EPYC: variants seen among roughly 807,000 people sequenced by gnomAD.
The protein encoded by EPYC is epiphycan, also known as dermatan sulfate proteoglycan 3.
In EPYC, 28 loss-of-function variants were observed where a neutral mutation model predicts 30.1. The observed-to-expected ratio is 0.93, with a 90% CI of 0.69 to 1.28. The LOEUF is 1.28. Among genes scored for constraint, EPYC ranks in the 50% most tolerant of loss-of-function variants. The pLI, the probability that EPYC is intolerant of heterozygous loss-of-function variation, is 0.00. For synonymous variants in EPYC, 144 were observed against 141.4 expected, an observed-to-expected ratio of 1.02 and a Z score of -0.13; for missense variants, 382 against 383.5, an observed-to-expected ratio of 1.00 and a Z score of 0.03.
chr12:90,982,131 C>T (rs1465757690), intron 2 of EPYC, among the ~76,000 whole-genome samples: 1 of 152,208 alleles, frequency 6.6e-6, no homozygotes, highest in East Asian at 1.9e-4. Flanking sequence ...TTCTAAACAT[C>T]TATCAATATC....
chr12:91,000,716 T>C (rs561775824), intron 2 of EPYC, among the ~76,000 whole-genome samples: 1 of 152,172 alleles, frequency 6.6e-6, no homozygotes, highest in African/African-American at 2.4e-5. Context: ...TCCTCTGGAA[T>C]AGTTTGGGGG....
chr12:90,982,089 A>G (rs1272966977), intron 2 of EPYC, among the ~76,000 whole-genome samples: 1 of 152,154 alleles, frequency 6.6e-6, no homozygotes, highest in Non-Finnish European at 1.5e-5. Context: ...TTAAGTTATG[A>G]TCAAGTCTTC....
At chr12:90,981,166 A>G (rs1877315828) in intron 2 of EPYC, among the ~76,000 whole-genome samples, 1 of 152,158 alleles carries the variant, frequency 6.6e-6, no homozygotes, top group South Asian at 2.1e-4. Flanking sequence ...GCTGAGTGAG[A>G]TATCAGCAGA....
Position 90,972,981 on chromosome 12 carries a change from C to G in EPYC, c.341-1G>C, listed in dbSNP as rs1291861382. On this transcript the variant is annotated splice_acceptor_variant, in intron 3 of 6. Transcript: ENST00000261172. LOFTEE classifies it high-confidence loss of function. ...GTACACAAAAGACAGGTTGGAAAGT[C>G]TAAAAGATAAAGGAAAATAAAATTA... 6.4e-7 allele frequency: 1 copy of G among 1,563,712 alleles called. No individual in the cohort carries two copies. Among genetic ancestry groups the G allele is most frequent in the East Asian group, 2.3e-5 (1 of 43,542 alleles).
chr12:90,976,018 C>T (rs942583195), intron 3 of EPYC, among the ~76,000 whole-genome samples: 1 of 152,030 alleles, frequency 6.6e-6, no homozygotes, highest in Non-Finnish European at 1.5e-5. Flanking sequence ...GTGCCTAGTA[C>T]ATAGTGTTTT....
At chr12:90,982,217 G>A (rs1368705980) in intron 2 of EPYC, among the ~76,000 whole-genome samples, 32 of 152,068 alleles carry the variant, frequency 2.1e-4, no homozygotes, top group Admixed American at 2.0e-3. Context: ...TACAGCAATA[G>A]ACTACTGATA....
Position 90,978,247 on chromosome 12 carries a change from C to T in EPYC, c.181G>A (p.Val61Met), listed in dbSNP as rs756997226. ...AGCTCTCTGTTCCCTGAAGGCATCA[C>T]TGTGGCTATTTCAATCTGAAAAAAA... Reference protein sequence around the residue: ...VDKVEIEIATVMPSGNRELLT... With the variant: ...VDKVEIEIATMMPSGNRELLT... Residue 61 changes from valine (V) to methionine (M), a missense_variant, in exon 3 of 7, where the codon GTG (valine) becomes ATG (methionine). Transcript: ENST00000261172. 2 of 1,571,148 alleles carry T rather than the reference C, an allele frequency of 1.3e-6. No homozygotes were observed. The highest frequency in any genetic ancestry group is 1.7e-6 in the Non-Finnish European group (2 of 1,164,932).
intron 2 of EPYC, among the ~76,000 whole-genome samples, chr12:90,993,489 C>A (rs770711908): frequency 3.3e-5 from 5 of 152,176 alleles, no homozygotes; most frequent in African/African-American, 7.2e-5. Flanking sequence ...ATAGTGGGAG[C>A]AAGTATAGGG....
At position 90,970,136 on chromosome 12, in the gene EPYC, T is replaced by C. The variant is rs751808930; in HGVS notation, c.706A>G (p.Met236Val). The C allele has an allele frequency of 1.2e-6, 2 of 1,610,706 alleles. No homozygotes were observed. Among genetic ancestry groups the C allele is most frequent in the Non-Finnish European group, 1.7e-6 (2 of 1,177,082 alleles). ...AGGTACAGATGATGGAGATCATACA[T>C]GTCCTGTAAACATTCCAAATGTGGG... ...KGIKQEAFKD[M>V]YDLHHLYLTD... Residue 236 changes from methionine to valine, a missense_variant, in exon 6 of 7, where the codon ATG (methionine) becomes GTG (valine). By Grantham distance (21) the Met-to-Val change is conservative (BLOSUM62 1). Coordinates refer to ENST00000261172, the MANE Select transcript of EPYC (RefSeq NM_004950.5).
chr12:90,984,108 T>C lies in EPYC; in HGVS notation c.166-5846A>G, dbSNP rs1213527009. ...GGCCCTCCACTTCATTTTTGGGGCA[T>C]AACATCTTTATAGGACAGGGGTAAG... On this transcript the variant is annotated intron_variant, in intron 2 of 6. Transcript: ENST00000261172. 4.6e-5 allele frequency among the ~76,000 whole-genome samples: 7 copies of C among 152,000 alleles called. No homozygotes were observed. The East Asian group carries it at 1.4e-3, about 29-fold the overall frequency.
chr12:90,983,312 C>A (rs576584350), intron 2 of EPYC, among the ~76,000 whole-genome samples: 1 of 152,136 alleles, frequency 6.6e-6, no homozygotes, highest in Non-Finnish European at 1.5e-5. Context: ...TATCACCAAG[C>A]GGTGAGTACC....
rs769871592 is a variant in EPYC at position 90,964,193 on chromosome 12, A to G, written c.932T>C (p.Met311Thr). 4 of 1,613,346 alleles carry G rather than the reference A, an allele frequency of 2.5e-6. No homozygotes were observed. The highest frequency in any genetic ancestry group is 3.4e-6 in the Non-Finnish European group (4 of 1,179,472). ...CCCAACAGGCAGACGAGGTAGACAC[A>G]TGTATGCTTGAGGAGTTTTGCTGAG... ...INLSKTPQAYMCLPRLPVGSL... is the reference protein window; with the variant it reads ...INLSKTPQAYTCLPRLPVGSL... The change falls in exon 7 of 7, where the codon ATG becomes ACG. Residue 311 changes from methionine (M) to threonine (T), a missense_variant. By Grantham distance (81) the Met-to-Thr change is moderately conservative. Coordinates refer to ENST00000261172, the MANE Select transcript of EPYC (RefSeq NM_004950.5).
intron 6 of EPYC, 87 bp downstream of exon 6, chr12:90,969,957 A>G (rs1048185473): frequency 7.9e-6 from 7 of 886,214 alleles, no homozygotes; most frequent in Admixed American, 1.9e-5. Flanking sequence ...TCAACATGCC[A>G]TTACAGACAA....
intron 3 of EPYC, among the ~76,000 whole-genome samples, chr12:90,977,078 C>T (rs1179595731): frequency 2.0e-5 from 3 of 152,070 alleles, no homozygotes; most frequent in African/African-American, 4.8e-5. Flanking sequence ...GTTTCTATGT[C>T]TATCTTCCTG....
intron 2 of EPYC, among the ~76,000 whole-genome samples, chr12:90,999,566 C>A (rs993195786): frequency 6.6e-6 from 1 of 151,998 alleles, no homozygotes; most frequent in Non-Finnish European, 1.5e-5. Flanking sequence ...TTTAACTGTA[C>A]CCTATATTGG....
intron 2 of EPYC, 74 bp downstream of exon 2, chr12:91,002,327 A>G (rs574886638): frequency 7.6e-7 from 1 of 1,321,854 alleles, no homozygotes; most frequent in East Asian, 2.4e-5. Context: ...CCAAACATCT[A>G]TTTGAGGAAA....
In EPYC at chr12:90,972,885, C is replaced by G; in HGVS notation, c.436G>C (p.Ala146Pro). 1 of 1,613,528 alleles carries G rather than the reference C, an allele frequency of 6.2e-7. No homozygotes were observed. Among genetic ancestry groups the G allele is most frequent in the Non-Finnish European group, 8.5e-7 (1 of 1,179,588 alleles). ...CTGTTAAAGCGGGAATAGAAATAAG[C>G]GGTGTTCTTTGGCAGCGGAGGAATA... The part of the protein sequence containing the change: ...DAIPPLPKNT[A>P]YFYSRFNRIK... Residue 146 changes from alanine to proline, a missense_variant, in exon 4 of 7, where the codon GCT (alanine) becomes CCT (proline). Transcript: ENST00000261172.
At chr12:90,999,408 A>G (rs1877770221) in intron 2 of EPYC, among the ~76,000 whole-genome samples, 1 of 152,112 alleles carries the variant, frequency 6.6e-6, no homozygotes, top group South Asian at 2.1e-4. Context: ...CTATAAATTT[A>G]TAATTTTAGA....
chr12:90,979,783 A>G (rs1877281017), intron 2 of EPYC, among the ~76,000 whole-genome samples: 2 of 152,158 alleles, frequency 1.3e-5, no homozygotes. Flanking sequence ...ATAATAGGCA[A>G]TCAGCAAGTA....
Sources: gnomAD v4.1 joint callset for allele counts (sites outside exome capture counted in the v4.1 genomes callset) on GRCh38, gnomAD v4.1.1 for gene constraint, MANE v1.5 for transcripts, NCBI Gene and HGNC (gene_info 2026-07-23, HGNC 2026-07-21) for gene names.